The following ZNRF1 variants were observed in gnomAD, a reference collection of about 807,000 sequenced individuals.
ZNRF1 encodes the protein E3 ubiquitin-protein ligase ZNRF1.
A neutral mutation model predicts 18.4 loss-of-function variants in ZNRF1; 3 were observed. That is an observed-to-expected ratio of 0.16 (90% CI 0.07 to 0.42). ZNRF1 has a LOEUF of 0.42. ZNRF1 is among the 10% of genes least tolerant of loss of function. The probability of loss-of-function intolerance (pLI) is 0.99; values close to 1 mark genes in which losing one functional copy is unlikely to be tolerated. For missense variants in ZNRF1, 310 were observed against 329.8 expected, an observed-to-expected ratio of 0.94 and a Z score of 0.47; for synonymous variants, 157 against 144.2, an observed-to-expected ratio of 1.09 and a Z score of -0.64.
At chr16:75,073,216 A>G (rs1454516344) in intron 1 of ZNRF1, among the ~76,000 whole-genome samples, 1 of 151,984 alleles carries the variant, frequency 6.6e-6, no homozygotes, top group African/African-American at 2.4e-5. Flanking sequence ...GTATCTATAT[A>G]CATAGATTTA....
intron 1 of ZNRF1, among the ~76,000 whole-genome samples, chr16:75,015,303 A>G (rs1008940541): frequency 2.6e-5 from 4 of 152,216 alleles, no homozygotes; most frequent in African/African-American, 9.7e-5. Context: ...GGTAATTAAA[A>G]AAAAGGTTTA....
chr16:75,018,492 A>G lies in ZNRF1; in HGVS notation c.424+18397A>G, dbSNP rs943925328. ...AGAATCTATGATCATGGGAATCCTT[A>G]TTTTTCTCCTGCTTTTTTTTAAAGG... is the stretch of plus-strand genomic sequence containing the variant. On this transcript the variant is annotated intron_variant, in intron 1 of 4. Coordinates refer to ENST00000335325, the MANE Select transcript of ZNRF1 (RefSeq NM_032268.5). Among the ~76,000 whole-genome samples, 3 of 151,136 alleles carry G rather than the reference A, an allele frequency of 2.0e-5. No individual in the cohort carries two copies. The East Asian group carries it at 5.8e-4, about 29-fold the overall frequency.
chr16:75,027,885 C>G (rs2035247894), intron 1 of ZNRF1, among the ~76,000 whole-genome samples: 1 of 152,182 alleles, frequency 6.6e-6, no homozygotes, highest in Non-Finnish European at 1.5e-5. Context: ...CTCCAGCCTC[C>G]TAGAGGACTC....
rs560767231 is a variant in ZNRF1 at position 75,032,989 on chromosome 16, G to A, written c.424+32894G>A. ...AAGCATGCTGCTGCACTCCATCTGG[G>A]TGACAGAGCAAGACTCCACTGGATT... On this transcript the variant is annotated intron_variant, in intron 1 of 4. Coordinates refer to ENST00000335325, the MANE Select transcript of ZNRF1 (RefSeq NM_032268.5). Among the ~76,000 whole-genome samples, 7 of 152,290 alleles carry A rather than the reference G, an allele frequency of 4.6e-5. No homozygotes were observed. The South Asian group carries it at 1.2e-3, about 27-fold the overall frequency.
At chr16:75,084,008 G>C (rs888851705) in intron 1 of ZNRF1, among the ~76,000 whole-genome samples, 1 of 152,216 alleles carries the variant, frequency 6.6e-6, no homozygotes, top group South Asian at 2.1e-4. Flanking sequence ...ATACAGTGCA[G>C]GTCAAGAGGT....
chr16:75,055,017 C>A (rs1232204623), intron 1 of ZNRF1, among the ~76,000 whole-genome samples: 1 of 152,202 alleles, frequency 6.6e-6, no homozygotes, highest in Non-Finnish European at 1.5e-5. Context: ...TATCAGCTCT[C>A]TAGAACAAAT....
intron 2 of ZNRF1, among the ~76,000 whole-genome samples, chr16:75,094,550 A>T (rs1320095283): frequency 3.3e-5 from 5 of 152,158 alleles, no homozygotes. Context: ...TAAAATGTGG[A>T]TAGCAATACT....
intron 2 of ZNRF1, chr16:75,095,705 G>A (rs1220526680): frequency 1.2e-5 from 18 of 1,548,696 alleles, no homozygotes; most frequent in Non-Finnish European, 1.6e-5. Context: ...GGCCCCCATG[G>A]CCCAAATGCA....
At chr16:75,045,522 C>T (rs182671550) in intron 1 of ZNRF1, among the ~76,000 whole-genome samples, 5 of 151,040 alleles carry the variant, frequency 3.3e-5, no homozygotes, top group African/African-American at 7.3e-5. Context: ...CAGTGTCAAT[C>T]GCTGGCTTTA....
chr16:75,010,723 T>TTTTG (rs2034988768), intron 1 of ZNRF1, among the ~76,000 whole-genome samples: 2 of 142,366 alleles, frequency 1.4e-5, no homozygotes, highest in East Asian at 4.1e-4. Flanking sequence ...TTTTTTGTTT[T>TTTTG]TTTTTTTTTG....
At position 75,017,071 on chromosome 16, in the gene ZNRF1, A is replaced by G. The variant is rs72800315; in HGVS notation, c.424+16976A>G. On this transcript the variant is annotated intron_variant, in intron 1 of 4. Transcript: ENST00000335325. ...GGGCAGTTTCATTTTTTTCCCTACT[A>G]TATTGCACAAACAATAACATTTCCT... 3.7e-3 allele frequency among the ~76,000 whole-genome samples: 565 copies of G among 152,270 alleles called. 2 individuals carry two copies. The highest frequency in any genetic ancestry group is 6.1e-3 in the Non-Finnish European group (413 of 68,014).
intron 1 of ZNRF1, among the ~76,000 whole-genome samples, chr16:75,065,272 C>T (rs2035788635): frequency 6.6e-6 from 1 of 152,216 alleles, no homozygotes; most frequent in Non-Finnish European, 1.5e-5. Flanking sequence ...GCGGCTGAGG[C>T]TCCTGCACTG....
chr16:75,014,393 G>A (rs181480968), intron 1 of ZNRF1, among the ~76,000 whole-genome samples: 32 of 152,178 alleles, frequency 2.1e-4, no homozygotes, highest in East Asian at 3.9e-4. Context: ...GTATAGACAT[G>A]GAAGGAGAAA....
At chr16:75,026,687 G>C (rs2035228169) in intron 1 of ZNRF1, among the ~76,000 whole-genome samples, 1 of 152,082 alleles carries the variant, frequency 6.6e-6, no homozygotes, top group South Asian at 2.1e-4. Flanking sequence ...TGTAATCCCA[G>C]CACTTTGGGA....
intron 2 of ZNRF1, chr16:75,095,456 T>G (rs2036187109): frequency 1.2e-6 from 1 of 815,282 alleles, no homozygotes; most frequent in African/African-American, 1.7e-5. Flanking sequence ...AGAGGAGCCT[T>G]CCCTGCGTCT....
chr16:75,059,064 C>T (rs1180922082), intron 1 of ZNRF1, among the ~76,000 whole-genome samples: 1 of 152,128 alleles, frequency 6.6e-6, no homozygotes, highest in East Asian at 1.9e-4. Context: ...GGCCTGCCTG[C>T]TCTAGGAAGA....
intron 1 of ZNRF1, among the ~76,000 whole-genome samples, chr16:75,047,512 C>T (rs1020883163): frequency 2.6e-5 from 4 of 152,202 alleles, no homozygotes; most frequent in South Asian, 4.1e-4. Flanking sequence ...TCCACGTTTC[C>T]GTGGTTAGAA....
At chr16:75,046,050 G>A (rs866525472) in intron 1 of ZNRF1, among the ~76,000 whole-genome samples, 6 of 151,058 alleles carry the variant, frequency 4.0e-5, no homozygotes, top group Middle Eastern at 3.2e-3. Flanking sequence ...TTACAGGCAC[G>A]CACCACCATG....
chr16:75,016,949 T>G (rs549494870), intron 1 of ZNRF1, among the ~76,000 whole-genome samples: 1 of 152,192 alleles, frequency 6.6e-6, no homozygotes, highest in Non-Finnish European at 1.5e-5. Context: ...GGAATCCAGA[T>G]AGAATAAACA....
Sources: gnomAD v4.1 joint callset for allele counts (sites outside exome capture counted in the v4.1 genomes callset) on GRCh38, gnomAD v4.1.1 for gene constraint, MANE v1.5 for transcripts, NCBI Gene and HGNC (gene_info 2026-07-23, HGNC 2026-07-21) for gene names.